Variants in PRKCI observed in about 807,000 individuals in gnomAD.
PRKCI encodes the protein protein kinase C iota type.
In PRKCI, 43 loss-of-function variants were observed where a neutral mutation model predicts 84.0. The observed-to-expected ratio is 0.51, with a 90% CI of 0.40 to 0.66. The LOEUF (loss-of-function observed/expected upper bound fraction) is 0.66, where lower values mean the gene tolerates loss of function less well. Ranked by LOEUF, PRKCI falls within the 30% of genes least tolerant of loss-of-function variation. PRKCI has a pLI of 0.00. For synonymous variants in PRKCI, 216 were observed against 234.4 expected (o/e 0.92, Z 0.72); for missense variants, 459 against 745.6 (o/e 0.62, Z 4.48).
chr3:170,264,089 C>T (rs1036147564), intron 4 of PRKCI, among the ~76,000 whole-genome samples: 1 of 152,038 alleles, frequency 6.6e-6, no homozygotes, highest in Non-Finnish European at 1.5e-5. Context: ...CAATTTTTAA[C>T]GTTTTCCCTG....
At chr3:170,262,941 C>T (rs1197832722) in intron 3 of PRKCI, among the ~76,000 whole-genome samples, 1 of 150,444 alleles carries the variant, frequency 6.6e-6, no homozygotes, top group African/African-American at 2.4e-5. Flanking sequence ...GAGGCCGAGA[C>T]AGGCGGATCA....
intron 2 of PRKCI, among the ~76,000 whole-genome samples, chr3:170,257,647 T>A (rs1457689713): frequency 6.7e-6 from 1 of 148,238 alleles, no homozygotes; most frequent in Non-Finnish European, 1.5e-5. Context: ...AGTGTCAATC[T>A]GAATGGGAAA....
chr3:170,283,494 T>C (rs1354431396), intron 11 of PRKCI, among the ~76,000 whole-genome samples: 2 of 152,232 alleles, frequency 1.3e-5, no homozygotes, highest in Non-Finnish European at 2.9e-5. Context: ...CTGGGTTTTT[T>C]GTTTATTTGG....
At chr3:170,291,371 C>T (rs1381541176) in intron 12 of PRKCI, among the ~76,000 whole-genome samples, 2 of 152,072 alleles carry the variant, frequency 1.3e-5, no homozygotes, top group East Asian at 1.9e-4. Context: ...AGGTTTTCTT[C>T]AAGCTATTTA....
intron 2 of PRKCI, among the ~76,000 whole-genome samples, chr3:170,252,125 AATGGC>A (rs1184443339): frequency 1.3e-5 from 2 of 151,824 alleles, no homozygotes; most frequent in African/African-American, 4.8e-5. Flanking sequence ...GAGGCAGGAA[AATGGC>A]ATGAACTTGG....
chr3:170,269,216 GAAACGAATTTTTTA>G (rs1287118571), intron 5 of PRKCI, among the ~76,000 whole-genome samples: 4 of 152,124 alleles, frequency 2.6e-5, no homozygotes, highest in Admixed American at 1.3e-4. Context: ...TGCCTGGCCA[GAAACGAATTTTTTA>G]AATACTCTTG....
At chr3:170,254,195 T>C (rs1733529089) in intron 2 of PRKCI, among the ~76,000 whole-genome samples, 1 of 152,138 alleles carries the variant, frequency 6.6e-6, no homozygotes, top group Non-Finnish European at 1.5e-5. Flanking sequence ...GAACTCCTTG[T>C]CTATTCTGGT....
intron 11 of PRKCI, among the ~76,000 whole-genome samples, chr3:170,282,682 G>A (rs1393872335): frequency 6.9e-6 from 1 of 145,652 alleles, no homozygotes; most frequent in Admixed American, 6.9e-5. Flanking sequence ...GGCCAACAGA[G>A]CAAGACTCTG....
chr3:170,273,450 A>G, intron 7 of PRKCI, 110 bp downstream of exon 7: 1 of 1,011,944 alleles, frequency 9.9e-7, no homozygotes, highest in Non-Finnish European at 1.5e-6. Context: ...TTCCCAATTA[A>G]AAGTAAATAC....
intron 8 of PRKCI, among the ~76,000 whole-genome samples, chr3:170,277,255 G>GA (rs113651180): frequency 5.6e-4 from 76 of 135,982 alleles, no homozygotes; most frequent in Non-Finnish European, 8.9e-4. Context: ...TTTAAAAAAA[G>GA]AAAAAAAAAA....
At chr3:170,285,358 C>T (rs999631828) in intron 12 of PRKCI, among the ~76,000 whole-genome samples, 3 of 152,102 alleles carry the variant, frequency 2.0e-5, no homozygotes, top group South Asian at 2.1e-4. Flanking sequence ...GGATTACAGG[C>T]GTGAGCCATC....
intron 13 of PRKCI, 32 bp from the exon 14 acceptor site, chr3:170,293,351 A>G (rs761632572): frequency 3.2e-6 from 5 of 1,585,586 alleles, no homozygotes; most frequent in Non-Finnish European, 4.3e-6. Context: ...TGCAAAGTGT[A>G]TAATTTATTG....
intron 12 of PRKCI, among the ~76,000 whole-genome samples, chr3:170,287,386 A>T (rs766114483): frequency 2.6e-5 from 4 of 151,868 alleles, no homozygotes; most frequent in Non-Finnish European, 5.9e-5. Context: ...CATAATGCTT[A>T]TAACAGATGA....
rs187904624 is a variant in PRKCI at position 170,281,746 on chromosome 3, G to A, written c.981-136G>A. 3.0e-5 allele frequency: 38 copies of A among 1,255,360 alleles called. No individual in the cohort carries two copies. The Admixed American group carries it at 1.2e-3, about 38-fold the overall frequency. 77.8% of individuals were successfully genotyped at this position (1,255,360 alleles called of 1,614,324 possible). ...ATGTTCCGTACCCTAGATACCCTTT[G>A]TTTCCACCAAAATTTTGGCATCTTT... On this transcript the variant is annotated intron_variant, in intron 10 of 17. Transcript: ENST00000295797.
In PRKCI at chr3:170,297,232, C is replaced by G. The variant is rs141293940; in HGVS notation, c.1498-72C>G. On this transcript the variant is annotated intron_variant, in intron 15 of 17. Coordinates refer to ENST00000295797, the MANE Select transcript of PRKCI (RefSeq NM_002740.6). ...AAGAGTATCATGTGAGGGCACACAACACAGATCACAAAGATGATTTATTTT... is the reference window on the plus strand; with the variant it reads ...AAGAGTATCATGTGAGGGCACACAAGACAGATCACAAAGATGATTTATTTT... The G allele has an allele frequency of 8.7e-4, 1,096 of 1,264,908 alleles. 8 individuals carry two copies. The African/African-American group carries it at 0.014, about 16-fold the overall frequency. 78.4% of individuals were successfully genotyped at this position (1,264,908 alleles called of 1,614,324 possible).
intron 1 of PRKCI, among the ~76,000 whole-genome samples, chr3:170,227,419 A>G (rs992643647): frequency 3.9e-5 from 6 of 152,204 alleles, no homozygotes; most frequent in Non-Finnish European, 7.3e-5. Context: ...TACAATAGAA[A>G]CAATTTAATT....
In PRKCI at chr3:170,236,687, C is replaced by T. The variant is rs111896359; in HGVS notation, c.223+1336C>T. On this transcript the variant is annotated intron_variant, in intron 2 of 17. Transcript: ENST00000295797. ...GAACAGCCTGGGCAACATTGTGAGACCCTGTCTCTACAAAAAGTTTTTAAA... is the reference window on the plus strand; with the variant it reads ...GAACAGCCTGGGCAACATTGTGAGATCCTGTCTCTACAAAAAGTTTTTAAA... Among the ~76,000 whole-genome samples the T allele has an allele frequency of 6.4e-3, 975 of 151,972 alleles. 10 individuals carry two copies. The highest frequency in any genetic ancestry group is 0.022 in the African/African-American group (892 of 41,462).
At chr3:170,267,300 G>T (rs1733883122) in intron 4 of PRKCI, among the ~76,000 whole-genome samples, 1 of 152,008 alleles carries the variant, frequency 6.6e-6, no homozygotes, top group African/African-American at 2.4e-5. Context: ...GGTGAAAGAT[G>T]CAGGTGTCTA....
chr3:170,284,267 G>T (rs1037894509), intron 11 of PRKCI, among the ~76,000 whole-genome samples, 194 bp from the exon 12 acceptor site: 3 of 152,112 alleles, frequency 2.0e-5, no homozygotes, highest in Non-Finnish European at 4.4e-5. Context: ...GTGAGTTTAA[G>T]TTAGACAGGA....
Sources: gnomAD v4.1 joint callset for allele counts (sites outside exome capture counted in the v4.1 genomes callset) on GRCh38, gnomAD v4.1.1 for gene constraint, MANE v1.5 for transcripts, NCBI Gene and HGNC (gene_info 2026-07-23, HGNC 2026-07-21) for gene names.